The following MTA3 variants were observed in gnomAD, a reference collection of about 807,000 sequenced individuals.
MTA3 encodes the protein metastasis-associated protein MTA3.
In MTA3, 34 loss-of-function variants were observed where a neutral mutation model predicts 83.5. The observed-to-expected ratio is 0.41, with a 90% CI of 0.31 to 0.54. The LOEUF (loss-of-function observed/expected upper bound fraction) is 0.54, where lower values mean the gene tolerates loss of function less well. Among genes scored for constraint, MTA3 ranks in the 20% least tolerant of loss-of-function variants. The probability of loss-of-function intolerance (pLI) is 0.33; values close to 1 mark genes in which losing one functional copy is unlikely to be tolerated. For synonymous variants in MTA3, 303 were observed against 252.7 expected, an observed-to-expected ratio of 1.20 and a Z score of -1.89; for missense variants, 761 against 726.4, an observed-to-expected ratio of 1.05 and a Z score of -0.55.
chr2:42,494,344 C>G (rs984347402), upstream of MTA3, among the ~76,000 whole-genome samples: 112 of 152,308 alleles, frequency 7.4e-4, no homozygotes, highest in Admixed American at 7.8e-4. Flanking sequence ...TTTAACAGCC[C>G]TGGTTCAAAG....
chr2:42,730,257 AT>A (rs1668149241), intron 16 of MTA3, among the ~76,000 whole-genome samples: 5 of 152,214 alleles, frequency 3.3e-5, no homozygotes, highest in African/African-American at 4.8e-5. Flanking sequence ...ACTCTGTTAA[AT>A]AACAGTGGTG....
At chr2:42,642,304 G>C (rs1281803865) in intron 5 of MTA3, among the ~76,000 whole-genome samples, 3 of 151,866 alleles carry the variant, frequency 2.0e-5, no homozygotes, top group Non-Finnish European at 4.4e-5. Flanking sequence ...TGTTTTTATT[G>C]GAGTACCATG....
chr2:42,755,233 GA>G lies in MTA3; in HGVS notation c.*1837del, dbSNP rs1275954658. On this transcript the variant is annotated 3_prime_UTR_variant, in exon 17 of 17. Coordinates refer to ENST00000405094, the MANE Select transcript of MTA3 (RefSeq NM_001330442.2). ...ATTGTCGTACTTGGACCCAGAAGGG[GA>G]AATGATTCCCTCACCCTTTCACTTT... 5 of 985,380 alleles carry G rather than the reference GA, an allele frequency of 5.1e-6. No individual in the cohort carries two copies. Among genetic ancestry groups the G allele is most frequent in the Non-Finnish European group, 6.0e-6 (5 of 829,982 alleles). 61.0% of individuals were successfully genotyped at this position (985,380 alleles called of 1,614,324 possible).
chr2:42,638,628 A>G (rs1392140847), intron 4 of MTA3, among the ~76,000 whole-genome samples: 1 of 151,992 alleles, frequency 6.6e-6, no homozygotes, highest in East Asian at 1.9e-4. Flanking sequence ...CGGCCTCCCA[A>G]AGTGCTGAGA....
chr2:42,732,219 C>A (rs758611771), intron 16 of MTA3, among the ~76,000 whole-genome samples: 7 of 152,174 alleles, frequency 4.6e-5, no homozygotes, highest in Non-Finnish European at 1.0e-4. Flanking sequence ...AGGGCCCTGC[C>A]CCTGCAGCAA....
At chr2:42,588,148 G>A (rs1409616753) in intron 3 of MTA3, among the ~76,000 whole-genome samples, 1 of 152,024 alleles carries the variant, frequency 6.6e-6, no homozygotes, top group African/African-American at 2.4e-5. Context: ...ACTCCAATTA[G>A]CTTAATGAAT....
chr2:42,621,459 G>T (rs554206644), intron 4 of MTA3, among the ~76,000 whole-genome samples: 1 of 152,358 alleles, frequency 6.6e-6, no homozygotes, highest in Non-Finnish European at 1.5e-5. Context: ...TAAGGTCATA[G>T]ATCAACAGCA....
Position 42,722,874 on chromosome 2 carries a change from T to G in MTA3, c.1613-15T>G. ...TATCATGTTCTGAATTGAGAAACCT[T>G]TTTTCCCCCATCAGAGATCCATCCT... On this transcript the variant is annotated splice_polypyrimidine_tract_variant and intron_variant, in intron 15 of 16. Coordinates refer to ENST00000405094, the MANE Select transcript of MTA3 (RefSeq NM_001330442.2). The G allele has an allele frequency of 6.5e-7, 1 of 1,550,234 alleles. No individual in the cohort carries two copies. The highest frequency in any genetic ancestry group is 8.7e-7 in the Non-Finnish European group (1 of 1,146,672).
At chr2:42,668,615 C>T (rs546138096) in intron 8 of MTA3, among the ~76,000 whole-genome samples, 3 of 152,284 alleles carry the variant, frequency 2.0e-5, no homozygotes, top group South Asian at 2.1e-4. Flanking sequence ...CACCCATAAT[C>T]TTTGTTGAGC....
Position 42,609,674 on chromosome 2 carries a change from G to C in MTA3, c.317+90G>C, listed in dbSNP as rs972375324. Reference sequence around the variant, plus strand: ...GAAGCGTTTTCCAGACTCTTCTCAGGATCTTGCTTAAACTACTTTGCTAAA... The same window carrying C: ...GAAGCGTTTTCCAGACTCTTCTCAGCATCTTGCTTAAACTACTTTGCTAAA... On this transcript the variant is annotated intron_variant, in intron 4 of 16. Coordinates refer to ENST00000405094, the MANE Select transcript of MTA3 (RefSeq NM_001330442.2). The C allele has an allele frequency of 5.7e-6, 8 of 1,411,436 alleles. No homozygotes were observed. In the African/African-American group the frequency reaches 1.0e-4, roughly 18 times the overall value. The allele number at this position is 1,411,436 out of a possible 1,614,324, so 87.4% of individuals were successfully genotyped here. A position where few individuals can be genotyped will look rare whatever the true frequency, so the allele number is the denominator to read the frequency against.
In MTA3 at chr2:42,731,142, A is replaced by G. The variant is rs546378619; in HGVS notation, c.1759+8107A>G. 9.2e-5 allele frequency among the ~76,000 whole-genome samples: 14 copies of G among 152,306 alleles called. No homozygotes were observed. In the South Asian group the frequency reaches 1.7e-3, roughly 18 times the overall value. On this transcript the variant is annotated intron_variant, in intron 16 of 16. Transcript: ENST00000405094. Reference sequence around the variant, plus strand: ...TTTATTGATTTTGTTTATAATTTCAAAAAATCACCTTTTTGTTCCATTGAC... The same window carrying G: ...TTTATTGATTTTGTTTATAATTTCAGAAAATCACCTTTTTGTTCCATTGAC...
chr2:42,498,670 C>G (rs568851370), intron 2 of MTA3, among the ~76,000 whole-genome samples: 3 of 152,288 alleles, frequency 2.0e-5, no homozygotes, highest in South Asian at 4.2e-4. Flanking sequence ...GAACTACAGG[C>G]CACAAAGACA....
chr2:42,523,929 G>A (rs1475882931), intron 2 of MTA3, among the ~76,000 whole-genome samples: 1 of 151,592 alleles, frequency 6.6e-6, no homozygotes, highest in Non-Finnish European at 1.5e-5. Context: ...AAATAAATAA[G>A]TAAATAAATA....
chr2:42,643,044 C>A (rs558993670), intron 5 of MTA3, among the ~76,000 whole-genome samples: 1,899 of 143,618 alleles, frequency 0.013, 37 homozygotes, highest in African/African-American at 0.038. Flanking sequence ...TCCCCCCCCC[C>A]CCTTTTTTTT....
intron 2 of MTA3, among the ~76,000 whole-genome samples, chr2:42,530,523 G>A (rs947928479): frequency 6.6e-6 from 1 of 151,144 alleles, no homozygotes; most frequent in Non-Finnish European, 1.5e-5. Flanking sequence ...GGTGGCTCAT[G>A]CCTGTAATCC....
rs576878834 is a variant in MTA3, at chr2:42,635,772, G to GT, written c.318-4392dup. 3.0e-3 allele frequency among the ~76,000 whole-genome samples: 447 copies of GT among 150,954 alleles called. 1 individual carries two copies. The highest frequency in any genetic ancestry group is 6.8e-3 in the Admixed American group (102 of 15,110). ...ACTCTGCATCTATAGGAATTTTTCT[G>GT]TTTTTTTTTCCCAAGACAGAATTTC... On this transcript the variant is annotated intron_variant, in intron 4 of 16. Coordinates refer to ENST00000405094, the MANE Select transcript of MTA3 (RefSeq NM_001330442.2).
Position 42,722,910 on chromosome 2 carries a change from C to G in MTA3, c.1634C>G (p.Pro545Arg), listed in dbSNP as rs1241505207. Reference sequence around the variant, plus strand: ...TCAGAGATCCATCCTGCAAAGAAACCTAATGTAATTCGATCTACACCAAGC... The same window carrying G: ...TCAGAGATCCATCCTGCAAAGAAACGTAATGTAATTCGATCTACACCAAGC... Reference protein sequence around the residue: ...GYLEIHPAKKPNVIRSTPSLQ... With the variant: ...GYLEIHPAKKRNVIRSTPSLQ... Residue 545 changes from proline to arginine, a missense_variant, in exon 16 of 17, where the codon CCT (proline) becomes CGT (arginine). Transcript: ENST00000405094. 1 of 1,539,460 alleles carries G rather than the reference C, an allele frequency of 6.5e-7. No homozygotes were observed.
At chr2:42,694,085 C>G (rs908956333) in intron 9 of MTA3, among the ~76,000 whole-genome samples, 4 of 152,144 alleles carry the variant, frequency 2.6e-5, no homozygotes, top group Non-Finnish European at 4.4e-5. Context: ...GGCCTCACGA[C>G]TCTGCCTGGT....
chr2:42,563,849 G>C (rs112352064), upstream of MTA3, among the ~76,000 whole-genome samples: 701 of 114,414 alleles, frequency 6.1e-3, 8 homozygotes, highest in African/African-American at 0.02. Flanking sequence ...TTTTGATGGA[G>C]TTTCGCTCTT....
Sources: gnomAD v4.1 joint callset for allele counts (sites outside exome capture counted in the v4.1 genomes callset) on GRCh38, gnomAD v4.1.1 for gene constraint, MANE v1.5 for transcripts, NCBI Gene and HGNC (gene_info 2026-07-23, HGNC 2026-07-21) for gene names.